The following CNIH3 variants were observed in gnomAD, a reference collection of about 807,000 sequenced individuals.
CNIH3 encodes the protein cornichon family AMPA receptor auxiliary protein 3, also known as protein cornichon homolog 3.
A neutral mutation model predicts 24.1 loss-of-function variants in CNIH3; 14 were observed. That is an observed-to-expected ratio of 0.58 (90% CI 0.38 to 0.91). The LOEUF is 0.91. Ranked by LOEUF, CNIH3 falls within the 40% of genes least tolerant of loss-of-function variation. The pLI is 0.00. For synonymous variants in CNIH3, 68 were observed against 73.8 expected, an observed-to-expected ratio of 0.92 and a Z score of 0.40; for missense variants, 178 against 196.8, an observed-to-expected ratio of 0.90 and a Z score of 0.57.
intron 2 of CNIH3, among the ~76,000 whole-genome samples, chr1:224,682,800 C>T (rs1297259587): frequency 6.6e-6 from 1 of 152,216 alleles, no homozygotes; most frequent in Non-Finnish European, 1.5e-5. Flanking sequence ...TACTTTCCTT[C>T]CTTCTAATTG....
chr1:224,649,601 C>A (rs905966270), intron 1 of CNIH3, among the ~76,000 whole-genome samples: 3 of 152,176 alleles, frequency 2.0e-5, no homozygotes, highest in African/African-American at 4.8e-5. Context: ...TAACTCTAAC[C>A]CCCAAGTAGG....
At chr1:224,563,460 G>GGGGTGT (rs1680457190) in intron 3 of CNIH3, among the ~76,000 whole-genome samples, 2 of 146,366 alleles carry the variant, frequency 1.4e-5, no homozygotes, top group African/African-American at 5.1e-5. Flanking sequence ...TTTTAGACGG[G>GGGGTGT]GTGTGTGTGT....
At chr1:224,493,410 G>C (rs903922403) in intron 1 of CNIH3, among the ~76,000 whole-genome samples, 1 of 152,296 alleles carries the variant, frequency 6.6e-6, no homozygotes, top group Non-Finnish European at 1.5e-5. Flanking sequence ...GTGTGTTTAT[G>C]ATGTTTTGGG....
chr1:224,470,025 T>TC (rs1481164602), intron 1 of CNIH3, among the ~76,000 whole-genome samples: 2 of 148,302 alleles, frequency 1.3e-5, no homozygotes, highest in Non-Finnish European at 3.0e-5. Context: ...TTCTTCTTCT[T>TC]TTTTTTTTTT....
downstream of CNIH3, among the ~76,000 whole-genome samples, chr1:224,540,485 G>T (rs1157015690): frequency 6.6e-6 from 1 of 152,180 alleles, no homozygotes; most frequent in Middle Eastern, 3.2e-3. Flanking sequence ...TTTAAAAAAT[G>T]TAAATAAATG....
chr1:224,515,369 G>A (rs1040199517), upstream of CNIH3, among the ~76,000 whole-genome samples: 3 of 152,206 alleles, frequency 2.0e-5, no homozygotes, highest in Non-Finnish European at 2.9e-5. Flanking sequence ...AAGGAAAGCA[G>A]TATTTTAAAA....
chr1:224,616,546 C>T lies in CNIH3; in HGVS notation c.-629C>T. The T allele has an allele frequency of 1.0e-6, 1 of 986,800 alleles. No homozygotes were observed. The allele number at this position is 986,800 out of a possible 1,614,324, so 61.1% of individuals were successfully genotyped here. The stretch of plus-strand genomic sequence containing the variant: ...GGGCGCGCCTCGGAGCGCACGGCTG[C>T]GCTGGAAGCCGCGTCTGGGGCGCAG... On this transcript the variant is annotated 5_prime_UTR_variant, in exon 1 of 6. Transcript: ENST00000272133.
chr1:224,638,299 A>G (rs879866613), intron 1 of CNIH3, among the ~76,000 whole-genome samples: 1 of 152,196 alleles, frequency 6.6e-6, no homozygotes, highest in Non-Finnish European at 1.5e-5. Flanking sequence ...CCATGGGGAG[A>G]TTCCCAAGGG....
chr1:224,501,873 T>A (rs1224261064), intron 1 of CNIH3, among the ~76,000 whole-genome samples: 1 of 151,918 alleles, frequency 6.6e-6, no homozygotes, highest in Non-Finnish European at 1.5e-5. Flanking sequence ...GAGCCACTGC[T>A]TTATACAGAA....
intron 1 of CNIH3, among the ~76,000 whole-genome samples, chr1:224,483,064 A>G (rs1410356016): frequency 1.3e-5 from 2 of 152,184 alleles, no homozygotes; most frequent in African/African-American, 4.8e-5. Context: ...TTAAGCACAC[A>G]GATTCTCTCT....
intron 1 of CNIH3, among the ~76,000 whole-genome samples, chr1:224,505,565 T>G (rs1221239554): frequency 6.6e-6 from 1 of 152,140 alleles, no homozygotes; most frequent in Non-Finnish European, 1.5e-5. Context: ...CACAGGAAAA[T>G]CAAACCCCTA....
At chr1:224,607,203 G>A (rs1444206288) in intron 3 of CNIH3, among the ~76,000 whole-genome samples, 1 of 152,172 alleles carries the variant, frequency 6.6e-6, no homozygotes, top group Non-Finnish European at 1.5e-5. Context: ...CTTTCCAATG[G>A]TAAGTGCTGT....
At chr1:224,574,202 A>G (rs1242924262) in intron 4 of CNIH3, among the ~76,000 whole-genome samples, 1 of 152,144 alleles carries the variant, frequency 6.6e-6, no homozygotes, top group Non-Finnish European at 1.5e-5. Context: ...CCCTATGGCC[A>G]TAATAAAAGG....
intron 3 of CNIH3, among the ~76,000 whole-genome samples, chr1:224,686,772 C>T (rs184533093): frequency 0.012 from 1,802 of 152,340 alleles, 25 homozygotes; most frequent in Non-Finnish European, 0.017. Context: ...AGGCAGCAGG[C>T]AATGGCCAAG....
At chr1:224,503,037 G>GGGGAGGGA (rs1480571184) in intron 1 of CNIH3, among the ~76,000 whole-genome samples, 1 of 151,704 alleles carries the variant, frequency 6.6e-6, no homozygotes, top group African/African-American at 2.4e-5. Flanking sequence ...CAGCTCTCCC[G>GGGGAGGGA]GGGAGGGAGG....
downstream of CNIH3, among the ~76,000 whole-genome samples, chr1:224,593,159 C>CTT (rs773677216): frequency 0.022 from 3,056 of 139,612 alleles, 123 homozygotes; most frequent in African/African-American, 0.075. Flanking sequence ...TTTTTTTTAA[C>CTT]TTTTTTTTTT....
At chr1:224,625,227 T>A (rs1326086394) in intron 1 of CNIH3, among the ~76,000 whole-genome samples, 1 of 152,206 alleles carries the variant, frequency 6.6e-6, no homozygotes, top group African/African-American at 2.4e-5. Context: ...CTTACCTGGT[T>A]ATGACAATCA....
At chr1:224,627,367 AGG>A (rs1683588941) in intron 1 of CNIH3, among the ~76,000 whole-genome samples, 1 of 22,244 alleles carries the variant, frequency 4.5e-5, no homozygotes, top group African/African-American at 7.1e-4. Flanking sequence ...CTGGGATTAC[AGG>A]CACGTGCCAC....
At chr1:224,501,761 A>G (rs1478420892) in intron 1 of CNIH3, among the ~76,000 whole-genome samples, 1 of 151,888 alleles carries the variant, frequency 6.6e-6, no homozygotes, top group Non-Finnish European at 1.5e-5. Context: ...TTTGTATTTT[A>G]GTAGAGACGG....
Sources: allele counts gnomAD v4.1 joint callset (sites outside exome capture counted in the v4.1 genomes callset), GRCh38; gene constraint gnomAD v4.1.1; transcripts MANE v1.5; gene names NCBI Gene and HGNC (gene_info 2026-07-23, HGNC 2026-07-21).